The following MANEA variants were observed in gnomAD, a reference collection of about 807,000 sequenced individuals.
The protein encoded by MANEA is glycoprotein endo-alpha-1,2-mannosidase.
Under a neutral mutation model 36.8 loss-of-function variants are expected in MANEA, and 25 were observed. The observed-to-expected ratio is 0.68, with a 90% confidence interval of 0.50 to 0.95. The LOEUF is 0.95. Among genes scored for constraint, MANEA ranks in the 40% least tolerant of loss-of-function variants. The probability of loss-of-function intolerance (pLI) is 0.00; values close to 1 mark genes in which losing one functional copy is unlikely to be tolerated. For synonymous variants in MANEA, 198 were observed against 188.5 expected (o/e 1.05, Z -0.41); for missense variants, 565 against 558.8 (o/e 1.01, Z -0.11).
chr6:95,603,544 TA>T (rs1582230739), intron 3 of MANEA, among the ~76,000 whole-genome samples: 1 of 151,644 alleles, frequency 6.6e-6, no homozygotes. Flanking sequence ...TAGAAAATTA[TA>T]TTTTTTTTAA....
intron 2 of MANEA, among the ~76,000 whole-genome samples, chr6:95,594,348 A>G (rs1407286012): frequency 6.6e-6 from 1 of 152,188 alleles, no homozygotes; most frequent in East Asian, 1.9e-4. Context: ...ATATTTGAAT[A>G]CATGTTCAAA....
At chr6:95,599,670 A>T (rs1360853023) in intron 3 of MANEA, among the ~76,000 whole-genome samples, 1 of 152,208 alleles carries the variant, frequency 6.6e-6, no homozygotes, top group East Asian at 1.9e-4. Flanking sequence ...TTTGCAGCCT[A>T]GAGATTGAGT....
intron 2 of MANEA, among the ~76,000 whole-genome samples, chr6:95,594,654 G>C (rs2127942217): frequency 6.6e-6 from 1 of 152,164 alleles, no homozygotes; most frequent in Admixed American, 6.5e-5. Flanking sequence ...AATACTTTTT[G>C]TAAATAATTT....
At position 95,586,664 on chromosome 6, in the gene MANEA, T is replaced by C. The variant is rs1769288254; in HGVS notation, c.225T>C (p.Asn75=). 1 of 1,613,906 alleles carries C rather than the reference T, an allele frequency of 6.2e-7. No individual in the cohort carries two copies. Among genetic ancestry groups the C allele is most frequent in the Admixed American group, 1.7e-5 (1 of 60,002 alleles). Residue 75 remains asparagine (N), a synonymous_variant, in exon 2 of 5, where the codon AAT becomes AAC. Transcript: ENST00000358812. ...DRINSETNTK[N]LKSVEITMKP... is the part of the protein sequence containing the mutation. ...TCAACAGTGAAACAAATACCAAGAA[T>C]TTAAAAAGTGTTGAAATCACTATGA...
chr6:95,594,462 A>C (rs4498363), intron 2 of MANEA, among the ~76,000 whole-genome samples: 127,151 of 152,138 alleles, frequency 0.84, 53,585 homozygotes, highest in African/African-American at 0.93. Context: ...CTGCATTTTT[A>C]AAGGTAAGTG....
At chr6:95,592,941 A>C (rs1769410234) in intron 2 of MANEA, among the ~76,000 whole-genome samples, 1 of 152,184 alleles carries the variant, frequency 6.6e-6, no homozygotes, top group Non-Finnish European at 1.5e-5. Context: ...AAAAAAATTG[A>C]CTATCAATTA....
chr6:95,592,110 C>T (rs575992066), intron 2 of MANEA, among the ~76,000 whole-genome samples: 8 of 152,274 alleles, frequency 5.3e-5, no homozygotes, highest in Admixed American at 2.0e-4. Context: ...ATTGTTTTCC[C>T]CAGTCTTTTT....
chr6:95,605,974 A>G lies in MANEA; in HGVS notation c.958A>G (p.Ile320Val). Reference sequence around the variant, plus strand: ...TATTCTTCAAAGTGGTTTTGATGGAATTTACACATATTTTGCCACAAATGG... The same window carrying G: ...TATTCTTCAAAGTGGTTTTGATGGAGTTTACACATATTTTGCCACAAATGG... ...YDILQSGFDG[I>V]YTYFATNGFT... is the part of the protein sequence containing the mutation. The change falls in exon 5 of 5, where the codon ATT becomes GTT. Residue 320 changes from isoleucine to valine, a missense_variant. Physicochemically the swap from Ile to Val is conservative, Grantham distance 29 (BLOSUM62 3). Coordinates refer to ENST00000358812, the MANE Select transcript of MANEA (RefSeq NM_024641.4). The G allele has an allele frequency of 6.2e-7, 1 of 1,614,006 alleles. No individual in the cohort carries two copies. Among genetic ancestry groups the G allele is most frequent in the South Asian group, 1.1e-5 (1 of 91,088 alleles).
intron 2 of MANEA, chr6:95,589,956 G>T (rs1428819053): frequency 2.6e-5 from 4 of 152,130 alleles, no homozygotes; most frequent in Non-Finnish European, 5.9e-5. Context: ...AAGAGAGTCA[G>T]AGGGATGCAC....
At chr6:95,580,395 TATAAAG>T (rs1270188367) in intron 1 of MANEA, among the ~76,000 whole-genome samples, 5 of 152,150 alleles carry the variant, frequency 3.3e-5, no homozygotes. Context: ...TAGTAGGTGA[TATAAAG>T]ATAAATGCAC....
Position 95,586,425 on chromosome 6 carries a change from TTAAAG to T in MANEA, c.-12_-8del, listed in dbSNP as rs764578142. 2 of 1,595,296 alleles carry T rather than the reference TTAAAG, an allele frequency of 1.3e-6. No individual in the cohort carries two copies. The highest frequency in any genetic ancestry group is 1.7e-6 in the Non-Finnish European group (2 of 1,170,306). Reference sequence around the variant, plus strand: ...AGCAAAACACTTACTATTTTGGAGTTTAAAGTATGTCATCATGGCAAAGTTTCGGA... The same window carrying T: ...AGCAAAACACTTACTATTTTGGAGTTTATGTCATCATGGCAAAGTTTCGGA... On this transcript the variant is annotated 5_prime_UTR_variant, in exon 2 of 5. It adds an upstream start codon to the 5' untranslated region. Coordinates refer to ENST00000358812, the MANE Select transcript of MANEA (RefSeq NM_024641.4).
intron 3 of MANEA, among the ~76,000 whole-genome samples, chr6:95,602,432 G>A (rs1040008102): frequency 2.0e-5 from 3 of 151,964 alleles, no homozygotes; most frequent in African/African-American, 7.2e-5. Flanking sequence ...CAGGGGTGAA[G>A]GTAGAGAATA....
intron 3 of MANEA, among the ~76,000 whole-genome samples, chr6:95,602,082 C>T (rs1021907586): frequency 1.3e-5 from 2 of 152,102 alleles, no homozygotes; most frequent in East Asian, 3.9e-4. Flanking sequence ...ATTGTGAATT[C>T]ATGGCAGAAA....
chr6:95,599,157 G>C (rs9400980), intron 3 of MANEA, among the ~76,000 whole-genome samples: 90,779 of 152,028 alleles, frequency 0.6, 27,526 homozygotes, highest in East Asian at 0.87. Flanking sequence ...GTTATCTTAA[G>C]AGATACTGAA....
chr6:95,603,299 A>G (rs1456771248), intron 3 of MANEA, among the ~76,000 whole-genome samples: 14 of 151,976 alleles, frequency 9.2e-5, no homozygotes, highest in African/African-American at 2.9e-4. Context: ...ACAGTGATGT[A>G]ACTGAAGGAA....
chr6:95,596,169 T>C (rs1769477473), intron 2 of MANEA, among the ~76,000 whole-genome samples: 1 of 152,014 alleles, frequency 6.6e-6, no homozygotes, highest in African/African-American at 2.4e-5. Context: ...AGCTTAGTTA[T>C]TGGCAGGGGT....
At chr6:95,604,061 G>GGTGT (rs71012509) in intron 3 of MANEA, among the ~76,000 whole-genome samples, 10,950 of 138,268 alleles carry the variant, frequency 0.079, 966 homozygotes, top group East Asian at 0.23. Context: ...TATGTATGTA[G>GGTGT]GTGTGTGTGT....
Position 95,586,485 on chromosome 6 carries a change from A to C in MANEA, c.46A>C (p.Ile16Leu), listed in dbSNP as rs149038641. 1 of 1,612,774 alleles carries C rather than the reference A, an allele frequency of 6.2e-7. No homozygotes were observed. The highest frequency in any genetic ancestry group is 1.1e-5 in the South Asian group (1 of 90,798). Reference sequence around the variant, plus strand: ...GACTTGCATCATTTTGGCACTTTTTATTCTATTTATTTTCTCTCTGATGAT... The same window carrying C: ...GACTTGCATCATTTTGGCACTTTTTCTTCTATTTATTTTCTCTCTGATGAT... Reference protein sequence around the residue: ...RRTCIILALFILFIFSLMMGL... With the variant: ...RRTCIILALFLLFIFSLMMGL... The change falls in exon 2 of 5, where the codon ATT becomes CTT. Residue 16 changes from isoleucine (I) to leucine (L), a missense_variant. Transcript: ENST00000358812.
chr6:95,595,519 G>T (rs986391584), intron 2 of MANEA, among the ~76,000 whole-genome samples: 2 of 152,068 alleles, frequency 1.3e-5, no homozygotes, highest in Admixed American at 6.5e-5. Context: ...TTACTTATTT[G>T]TACATGGCGG....
Sources: gnomAD v4.1 joint callset for allele counts (sites outside exome capture counted in the v4.1 genomes callset) on GRCh38, gnomAD v4.1.1 for gene constraint, MANE v1.5 for transcripts, NCBI Gene and HGNC (gene_info 2026-07-23, HGNC 2026-07-21) for gene names.